Variants in ALDH16A1 observed in about 807,000 individuals in gnomAD.
The protein encoded by ALDH16A1 is aldehyde dehydrogenase 16 family member A1.
A neutral mutation model predicts 96.1 loss-of-function variants in ALDH16A1; 88 were observed. That is an observed-to-expected ratio of 0.92 (90% CI 0.77 to 1.09). The LOEUF is 1.09. Ranked by LOEUF, ALDH16A1 falls within the 50% of genes least tolerant of loss-of-function variation. The pLI, the probability that ALDH16A1 is intolerant of heterozygous loss-of-function variation, is 0.00. For missense variants in ALDH16A1, 1,250 were observed against 1,112.6 expected (o/e 1.12, Z -1.76); for synonymous variants, 522 against 496.4 (o/e 1.05, Z -0.69).
At position 49,468,406 on chromosome 19, in the gene ALDH16A1, T is replaced by C. The variant is rs1325980400; in HGVS notation, c.1964T>C (p.Leu655Pro). Residue 655 changes from leucine (L) to proline (P), a missense_variant, in exon 15 of 17, where the codon CTG (leucine) becomes CCG (proline). By Grantham distance (98) the Leu-to-Pro change is moderately conservative (BLOSUM62 -3). Transcript: ENST00000293350. This position sits in a 1 kb window ranked among gnomAD's most constrained non-coding sequence, Gnocchi z 4.4. ...GTAGCCGGGCTGAGAGGCCCTGTGC[T>C]GCGCCTGCGGGAGCCGCTGGGTGTG... ...LQVAGLRGPV[L>P]RLREPLGVLA... 1.2e-6 allele frequency: 2 copies of C among 1,600,088 alleles called. No homozygotes were observed. The highest frequency in any genetic ancestry group is 1.7e-6 in the Non-Finnish European group (2 of 1,179,780).
In ALDH16A1 at chr19:49,460,710, G is replaced by A. The variant is rs547866718; in HGVS notation, c.500-112G>A. The A allele has an allele frequency of 9.9e-5, 86 of 866,780 alleles. No individual in the cohort carries two copies. The East Asian group carries it at 1.1e-3, about 11-fold the overall frequency. 53.7% of individuals were successfully genotyped at this position (866,780 alleles called of 1,614,324 possible). ...ATTACAGGCGTGAGCCACCACACCC[G>A]GCCATTTTTTTTTTTTTTTCCTAAT... On this transcript the variant is annotated intron_variant, in intron 4 of 16. Transcript: ENST00000293350.
chr19:49,457,330 G>A (rs918515118), intron 1 of ALDH16A1, among the ~76,000 whole-genome samples: 1 of 151,624 alleles, frequency 6.6e-6, no homozygotes, highest in East Asian at 2.0e-4. Context: ...GGCGGATCAC[G>A]AGGTCAGGAG....
rs1384101514 is a variant in ALDH16A1 at position 49,468,679 on chromosome 19, C to CT, written c.2124+114dup. The CT allele has an allele frequency of 4.8e-5, 68 of 1,421,724 alleles. 1 individual carries two copies. The highest frequency in any genetic ancestry group is 6.3e-5 in the Non-Finnish European group (66 of 1,050,516). 88.1% of individuals were successfully genotyped at this position (1,421,724 alleles called of 1,614,324 possible). On this transcript the variant is annotated intron_variant, in intron 15 of 16. Transcript: ENST00000293350. The surrounding 1 kb of genome is among the most constrained non-coding windows in gnomAD (Gnocchi z 4.4). ...TACCCCACCCTCCGTGGTACCCATG[C>CT]TGCCCCCAGCCCCAGCACCCAAACC...
Position 49,468,914 on chromosome 19 carries a change from C to T in ALDH16A1, c.2175C>T (p.Asp725=), listed in dbSNP as rs910278591. The change falls in exon 16 of 17, where the codon GAC becomes GAT. Residue 725 remains aspartate (D), a synonymous_variant. Coordinates refer to ENST00000293350, the MANE Select transcript of ALDH16A1 (RefSeq NM_153329.4). This position sits in a 1 kb window ranked among gnomAD's most constrained non-coding sequence, Gnocchi z 4.4. ...GCCTGGCCAACGTGGTGACAGGAGACCGGGACCATCTGACCCGCTGCCTGG... is the reference window on the plus strand; with the variant it reads ...GCCTGGCCAACGTGGTGACAGGAGATCGGGACCATCTGACCCGCTGCCTGG... ...PAGLANVVTG[D]RDHLTRCLAL... 1.2e-6 allele frequency: 2 copies of T among 1,613,952 alleles called. No homozygotes were observed. The highest frequency in any genetic ancestry group is 2.7e-5 in the African/African-American group (2 of 74,924).
intron 16 of ALDH16A1, chr19:49,469,617 G>T (rs2079228716): frequency 6.9e-6 from 1 of 145,226 alleles, no homozygotes; most frequent in African/African-American, 2.6e-5. Context: ...GTCTCACTCT[G>T]TCGCCCAGGC....
Position 49,466,223 on chromosome 19 carries a change from G to C in ALDH16A1, c.1878G>C (p.Leu626=). Residue 626 remains leucine, a synonymous_variant, in exon 14 of 17, where the codon CTG becomes CTC. Coordinates refer to ENST00000293350, the MANE Select transcript of ALDH16A1 (RefSeq NM_153329.4). The part of the protein sequence containing the change: ...ELKAAEAEVE[L]SARRLRAWGA... Reference sequence around the variant, plus strand: ...AGGCTGCGGAGGCGGAGGTGGAGCTGAGCGCAAGACGACTTCGGGCGTGGG... The same window carrying C: ...AGGCTGCGGAGGCGGAGGTGGAGCTCAGCGCAAGACGACTTCGGGCGTGGG... The C allele has an allele frequency of 6.6e-7, 1 of 1,518,908 alleles. No individual in the cohort carries two copies. Among genetic ancestry groups the C allele is most frequent in the Non-Finnish European group, 8.8e-7 (1 of 1,134,000 alleles). The allele number at this position is 1,518,908 out of a possible 1,614,324, so 94.1% of individuals were successfully genotyped here.
Position 49,470,617 on chromosome 19 carries a change from T to G in ALDH16A1, c.*150T>G. The stretch of plus-strand genomic sequence containing the variant: ...TGTGCTTCTGCGAGAAGAAAGGGTG[T>G]AGCAACTTCTGGCAGATATGAGGCT... On this transcript the variant is annotated 3_prime_UTR_variant, in exon 17 of 17. Coordinates refer to ENST00000293350, the MANE Select transcript of ALDH16A1 (RefSeq NM_153329.4). 1.3e-6 allele frequency: 1 copy of G among 781,170 alleles called. No homozygotes were observed. Among genetic ancestry groups the G allele is most frequent in the Non-Finnish European group, 1.8e-6 (1 of 557,144 alleles). The allele number at this position is 781,170 out of a possible 1,614,324, so 48.4% of individuals were successfully genotyped here.
At chr19:49,455,110 G>A (rs1030990204) in intron 1 of ALDH16A1, among the ~76,000 whole-genome samples, 1 of 146,816 alleles carries the variant, frequency 6.8e-6, no homozygotes, top group South Asian at 2.2e-4. Context: ...GGAGCAAGAC[G>A]CTGTCTCCAA....
chr19:49,457,232 C>G (rs2079109657), intron 1 of ALDH16A1, among the ~76,000 whole-genome samples: 1 of 151,668 alleles, frequency 6.6e-6, no homozygotes, highest in East Asian at 1.9e-4. Flanking sequence ...TCAGGGAAGA[C>G]GTGACCAGGA....
intron 16 of ALDH16A1, 135 bp from the exon 17 acceptor site, chr19:49,470,171 G>A: frequency 9.5e-7 from 1 of 1,052,930 alleles, no homozygotes; most frequent in Non-Finnish European, 1.4e-6. Flanking sequence ...CTGCTTGGGA[G>A]GAGCTGGGCA....
In ALDH16A1 at chr19:49,459,822, A is replaced by C. The variant is rs2079127945; in HGVS notation, c.473A>C (p.Glu158Ala). 5 of 1,613,250 alleles carry C rather than the reference A, an allele frequency of 3.1e-6. No individual in the cohort carries two copies. In the African/African-American group the frequency reaches 6.7e-5, roughly 22 times the overall value. ...YHAIQASTQE[E>A]ALAGWEPMGV... ...GCAATCCAGGCATCCACCCAGGAGG[A>C]GGCACTGGCAGGCTGGGAGCCCATG... is the stretch of plus-strand genomic sequence containing the variant. Residue 158 changes from glutamate to alanine, a missense_variant, in exon 4 of 17, where the codon GAG (glutamate) becomes GCG (alanine). Glu to Ala is a moderately radical substitution (Grantham distance 107). Transcript: ENST00000293350. This position sits in a 1 kb window ranked among gnomAD's most constrained non-coding sequence, Gnocchi z 4.1.
Position 49,466,125 on chromosome 19 carries a change from G to C in ALDH16A1, c.1780G>C (p.Ala594Pro), listed in dbSNP as rs555667637. Residue 594 changes from alanine (A) to proline (P), a missense_variant, in exon 14 of 17, where the codon GCC becomes CCC. Coordinates refer to ENST00000293350, the MANE Select transcript of ALDH16A1 (RefSeq NM_153329.4). ...AGGAGCCCGGGCAGCCCTGCTGTGG[G>C]CCCTGGCGGCTGCACTGGAGCGCCG... ...SPGARAALLW[A>P]LAAALERRKS... 343 of 1,554,144 alleles carry C rather than the reference G, an allele frequency of 2.2e-4. 4 individuals are homozygous for C. In the South Asian group the frequency reaches 3.8e-3, roughly 17 times the overall value.
rs560383515 is a variant in ALDH16A1 at position 49,464,549 on chromosome 19, G to A, written c.1437+27G>A. The A allele has an allele frequency of 6.7e-5, 108 of 1,612,416 alleles. 2 individuals carry two copies. In the South Asian group the frequency reaches 1.1e-3, roughly 16 times the overall value. On this transcript the variant is annotated intron_variant, in intron 11 of 16. Transcript: ENST00000293350. ...TGAGTACATCCCCTCCCCGTCACCA[G>A]CCCCCCCGCCGCCCCATGCCCTTGA...
Position 49,468,992 on chromosome 19 carries a change from CTT to C in ALDH16A1, c.2247+8_2247+9del. 1 of 1,605,070 alleles carries C rather than the reference CTT, an allele frequency of 6.2e-7. No individual in the cohort carries two copies. Among genetic ancestry groups the C allele is most frequent in the Non-Finnish European group, 8.5e-7 (1 of 1,173,922 alleles). On this transcript the variant is annotated splice_region_variant and intron_variant, in intron 16 of 16. Coordinates refer to ENST00000293350, the MANE Select transcript of ALDH16A1 (RefSeq NM_153329.4). This position sits in a 1 kb window ranked among gnomAD's most constrained non-coding sequence, Gnocchi z 4.4. Reference sequence around the variant, plus strand: ...GGTATTTCGGATCAGCCCAGGTGCTCTTTGTTCTGTTTTGCCATCTTCAGCAT... The same window carrying C: ...GGTATTTCGGATCAGCCCAGGTGCTCTGTTCTGTTTTGCCATCTTCAGCAT...
intron 1 of ALDH16A1, among the ~76,000 whole-genome samples, chr19:49,456,119 T>C (rs1013310512): frequency 2.6e-5 from 4 of 152,204 alleles, no homozygotes; most frequent in Non-Finnish European, 5.9e-5. Context: ...ATTTTGTTTT[T>C]CTTTTGGGGG....
In ALDH16A1 at chr19:49,465,794, G is replaced by A. The variant is rs143931782; in HGVS notation, c.1625G>A (p.Arg542Gln). The change falls in exon 13 of 17, where the codon CGA becomes CAA. Residue 542 changes from arginine (R) to glutamine (Q), a missense_variant. By Grantham distance (43) the Arg-to-Gln change is conservative. Coordinates refer to ENST00000293350, the MANE Select transcript of ALDH16A1 (RefSeq NM_153329.4). ...GGCCGTTTCCAGGCTCCTGGGGCCC[G>A]AAGCTCCAGGCCCATCCGGGATTCG... is the stretch of plus-strand genomic sequence containing the variant. Reference protein sequence around the residue: ...VGGRFQAPGARSSRPIRDSSG... With the variant: ...VGGRFQAPGAQSSRPIRDSSG... 38 of 1,614,124 alleles carry A rather than the reference G, an allele frequency of 2.4e-5. No individual in the cohort carries two copies. In the African/African-American group the frequency reaches 2.9e-4, roughly 12 times the overall value.
At chr19:49,462,163 A>T (rs537187109) in intron 7 of ALDH16A1, 127 bp downstream of exon 7, 1 of 1,331,760 alleles carries the variant, frequency 7.5e-7, no homozygotes, top group Admixed American at 3.4e-5. Flanking sequence ...ACGGAGTTTC[A>T]CTCTTGTCGC....
At chr19:49,467,230 A>C (rs1251918608) in intron 14 of ALDH16A1, among the ~76,000 whole-genome samples, 1 of 152,102 alleles carries the variant, frequency 6.6e-6, no homozygotes, top group African/African-American at 2.4e-5. Context: ...CATGTTGCCC[A>C]GGCTGATCTT....
rs915347915 is a variant in ALDH16A1 at position 49,464,102 on chromosome 19, T to C, written c.1195-25T>C. 9 of 1,601,200 alleles carry C rather than the reference T, an allele frequency of 5.6e-6. No individual in the cohort carries two copies. In the Admixed American group the frequency reaches 6.7e-5, roughly 12 times the overall value. On this transcript the variant is annotated intron_variant, in intron 9 of 16. Coordinates refer to ENST00000293350, the MANE Select transcript of ALDH16A1 (RefSeq NM_153329.4). ...CCCTGGTGGGTGGGCCCTGGAGGGC[T>C]GAGCCTCCCGGTCACCCCTTGCAGG...
Sources: allele counts gnomAD v4.1 joint callset (sites outside exome capture counted in the v4.1 genomes callset), GRCh38; gene constraint gnomAD v4.1.1; non-coding constraint Gnocchi (gnomAD v3.1); transcripts MANE v1.5; gene names NCBI Gene and HGNC (gene_info 2026-07-23, HGNC 2026-07-21).